LRP1B: variants seen among roughly 807,000 people sequenced by gnomAD.
LRP1B encodes LDL receptor related protein 1B, also known as low-density lipoprotein receptor-related protein 1B.
LRP1B carries 217 observed loss-of-function variants against 556.6 expected under a neutral mutation model. The observed-to-expected ratio is 0.39, with a 90% CI of 0.35 to 0.44. LRP1B has a LOEUF of 0.44. LRP1B is among the 20% of genes least tolerant of loss of function. LRP1B has a pLI of 1.00. For missense variants in LRP1B, 5,053 were observed against 5,620.8 expected, an observed-to-expected ratio of 0.90 and a Z score of 3.23; for synonymous variants, 2,047 against 1,865.8, an observed-to-expected ratio of 1.10 and a Z score of -2.50.
chr2:142,070,066 G>A (rs1261248603), intron 1 of LRP1B, among the ~76,000 whole-genome samples: 1 of 151,622 alleles, frequency 6.6e-6, no homozygotes, highest in African/African-American at 2.4e-5. Flanking sequence ...TATCACAATG[G>A]AATTTATTTA....
At chr2:141,646,711 A>G (rs912503577) in intron 2 of LRP1B, among the ~76,000 whole-genome samples, 8 of 152,176 alleles carry the variant, frequency 5.3e-5, no homozygotes, top group African/African-American at 1.9e-4. Flanking sequence ...GAGAATAGGG[A>G]ATGTAGTTCT....
At chr2:142,077,371 T>C (rs887438293) in intron 1 of LRP1B, among the ~76,000 whole-genome samples, 3 of 152,158 alleles carry the variant, frequency 2.0e-5, no homozygotes, top group Non-Finnish European at 4.4e-5. Flanking sequence ...GACTATGTCT[T>C]ATTTAAATTT....
chr2:140,778,858 A>G (rs1013161678), intron 32 of LRP1B, among the ~76,000 whole-genome samples: 1 of 152,106 alleles, frequency 6.6e-6, no homozygotes, highest in Non-Finnish European at 1.5e-5. Flanking sequence ...ATATTAAGAC[A>G]TTCAGAAAAT....
chr2:140,841,175 G>A (rs2105098745), intron 29 of LRP1B, 83 bp from the exon 30 acceptor site: 2 of 851,800 alleles, frequency 2.3e-6, no homozygotes, highest in Admixed American at 2.8e-5. Flanking sequence ...TTCTATCTAA[G>A]GGAAAATTTA....
intron 7 of LRP1B, among the ~76,000 whole-genome samples, chr2:141,147,175 T>C (rs1701806624): frequency 1.3e-5 from 2 of 152,198 alleles, no homozygotes; most frequent in Non-Finnish European, 2.9e-5. Flanking sequence ...CACTGGGCTC[T>C]GGTAGAGAAA....
At chr2:141,122,810 T>C (rs947470920) in intron 7 of LRP1B, among the ~76,000 whole-genome samples, 3 of 152,188 alleles carry the variant, frequency 2.0e-5, no homozygotes, top group African/African-American at 7.2e-5. Context: ...TGTATGTTTA[T>C]AGCGGCACTA....
At chr2:141,285,531 CT>C (rs1685681693) in intron 3 of LRP1B, among the ~76,000 whole-genome samples, 2 of 141,366 alleles carry the variant, frequency 1.4e-5, no homozygotes, top group South Asian at 4.5e-4. Flanking sequence ...CATCAGCTCA[CT>C]GCAACCTCCG....
chr2:141,564,570 G>T (rs59786749), intron 2 of LRP1B, among the ~76,000 whole-genome samples: 2,933 of 152,128 alleles, frequency 0.019, 89 homozygotes, highest in African/African-American at 0.067. Context: ...CTACATAATG[G>T]TCATTTTATT....
chr2:141,235,474 T>C (rs1158722619), intron 5 of LRP1B, among the ~76,000 whole-genome samples: 3 of 152,150 alleles, frequency 2.0e-5, no homozygotes, highest in Non-Finnish European at 2.9e-5. Flanking sequence ...GAGGCACAAG[T>C]TTCCTGATGG....
chr2:140,728,928 C>T (rs1307825765), intron 35 of LRP1B, among the ~76,000 whole-genome samples: 1 of 151,876 alleles, frequency 6.6e-6, no homozygotes, highest in Non-Finnish European at 1.5e-5. Flanking sequence ...AAATACCTAG[C>T]ATTTAATAAG....
chr2:140,969,341 G>A (rs191666642), intron 18 of LRP1B, among the ~76,000 whole-genome samples: 1 of 152,130 alleles, frequency 6.6e-6, no homozygotes, highest in Non-Finnish European at 1.5e-5. Context: ...CAGAGACTAG[G>A]ATTGCAACCC....
intron 3 of LRP1B, among the ~76,000 whole-genome samples, chr2:141,475,465 A>G (rs1188190925): frequency 6.6e-6 from 1 of 152,166 alleles, no homozygotes; most frequent in East Asian, 1.9e-4. Flanking sequence ...TTAAATGTTA[A>G]TAATACTGAC....
At chr2:141,328,053 A>C (rs1266129691) in intron 3 of LRP1B, among the ~76,000 whole-genome samples, 1 of 152,252 alleles carries the variant, frequency 6.6e-6, no homozygotes, top group Non-Finnish European at 1.5e-5. Flanking sequence ...AATAAAAAAA[A>C]GAAAAATTGT....
chr2:140,240,966 C>A (rs114785630), intron 87 of LRP1B, among the ~76,000 whole-genome samples: 1 of 150,702 alleles, frequency 6.6e-6, no homozygotes, highest in Non-Finnish European at 1.5e-5. Context: ...TTGCCAAATA[C>A]CAAAAAGGCT....
In LRP1B at chr2:140,356,461, G is replaced by A. The variant is rs752689560; in HGVS notation, c.11411C>T (p.Thr3804Ile). ...ACATGGATTCACATTATCTTCACAG[G>A]TATATTCAGTAGGAGCTGGGATTTA... ...QGCRIAPTEY[T>I]CEDNVNPCGD... The change falls in exon 75 of 91, where the codon ACC becomes ATC. Residue 3804 changes from threonine to isoleucine, a missense_variant. Around this residue, in one of 5 missense-constraint regions of LRP1B, gnomAD observed 599 missense variants for 648.4 expected, o/e 0.92. Coordinates refer to ENST00000389484, the MANE Select transcript of LRP1B (RefSeq NM_018557.3). 1 of 1,602,730 alleles carries A rather than the reference G, an allele frequency of 6.2e-7. No individual in the cohort carries two copies. Among genetic ancestry groups the A allele is most frequent in the South Asian group, 1.1e-5 (1 of 90,212 alleles).
At chr2:141,156,622 G>GAA (rs11444970) in intron 7 of LRP1B, among the ~76,000 whole-genome samples, 2,294 of 136,336 alleles carry the variant, frequency 0.017, 23 homozygotes, top group Middle Eastern at 0.049. Flanking sequence ...GGCTATCTCA[G>GAA]AAAAAAAAAA....
intron 35 of LRP1B, among the ~76,000 whole-genome samples, chr2:140,766,827 A>ATATATATATATAT (rs1689122883): frequency 5.0e-5 from 1 of 20,062 alleles, no homozygotes; most frequent in Non-Finnish European, 1.8e-4. Flanking sequence ...TGTAAAATAT[A>ATATATATATATAT]TATATATATA....
Position 141,152,022 on chromosome 2 carries a change from GA to G in LRP1B, c.1013+36398del, listed in dbSNP as rs1416584377. On this transcript the variant is annotated intron_variant, in intron 7 of 90. Transcript: ENST00000389484. The stretch of plus-strand genomic sequence containing the variant: ...ATAATTATGCACTGGAGAAAGATAA[GA>G]ATAAATGTTGATCTGTCTGAATGTA... Among the ~76,000 whole-genome samples the G allele has an allele frequency of 5.9e-5, 9 of 152,122 alleles. No homozygotes were observed. In the East Asian group the frequency reaches 1.7e-3, roughly 29 times the overall value.
intron 1 of LRP1B, among the ~76,000 whole-genome samples, chr2:141,837,707 G>A (rs1042757361): frequency 6.6e-6 from 1 of 152,058 alleles, no homozygotes; most frequent in Admixed American, 6.6e-5. Context: ...CATAGTAAAG[G>A]AAATCTAATG....
Sources: gnomAD v4.1 joint callset for allele counts (sites outside exome capture counted in the v4.1 genomes callset) on GRCh38, gnomAD v4.1.1 for gene constraint, gnomAD v4.1.1 regional missense constraint, MANE v1.5 for transcripts, NCBI Gene and HGNC (gene_info 2026-07-23, HGNC 2026-07-21) for gene names.